Variants in KIAA0825 observed in about 807,000 individuals in gnomAD.
KIAA0825 encodes the protein KIAA0825.
In KIAA0825, 119 loss-of-function variants were observed where a neutral mutation model predicts 147.6. The ratio of observed to expected loss-of-function variants is 0.81; its 90% confidence interval spans 0.69 to 0.94. KIAA0825 has a LOEUF of 0.94. Ranked by LOEUF, KIAA0825 falls within the 40% of genes least tolerant of loss-of-function variation. The probability of loss-of-function intolerance (pLI) is 0.00; values close to 1 mark genes in which losing one functional copy is unlikely to be tolerated. For synonymous variants in KIAA0825, 470 were observed against 518.1 expected (o/e 0.91, Z 1.26); for missense variants, 1,381 against 1,472.7 (o/e 0.94, Z 1.02).
chr5:94,333,931 A>G (rs961024232), intron 20 of KIAA0825, among the ~76,000 whole-genome samples: 1 of 152,208 alleles, frequency 6.6e-6, no homozygotes, highest in African/African-American at 2.4e-5. Flanking sequence ...ACTACAAACC[A>G]CTGCTCAAGG....
intron 3 of KIAA0825, among the ~76,000 whole-genome samples, chr5:94,536,518 G>T (rs1353505529): frequency 6.6e-6 from 1 of 152,092 alleles, no homozygotes; most frequent in African/African-American, 2.4e-5. Flanking sequence ...CCCAGTATTT[G>T]GTAACACGAC....
chr5:94,594,928 T>A (rs1420955158), intron 1 of KIAA0825: 3 of 282,348 alleles, frequency 1.1e-5, no homozygotes, highest in Non-Finnish European at 2.0e-5. Context: ...ACTCCATGTC[T>A]CACATCCAAG....
In KIAA0825 at chr5:94,396,213, G is replaced by A; in HGVS notation, c.3184C>T (p.Gln1062Ter). 6.4e-7 allele frequency: 1 copy of A among 1,551,518 alleles called. No homozygotes were observed. Among genetic ancestry groups the A allele is most frequent in the Non-Finnish European group, 8.7e-7 (1 of 1,146,918 alleles). ...CMCLKSIMGD[Q>*]TSIHNQMIQK... ...ATCATTTGATTATGGATACTTGTCT[G>A]GTCTCCCATGATGCTTTTCAAACAC... is the stretch of plus-strand genomic sequence containing the variant. The change falls in exon 17 of 21, where the codon CAG (glutamine) becomes TAG (stop). Residue 1062 changes from glutamine to a stop codon, truncating the protein, a stop_gained. Transcript: ENST00000682413. LOFTEE classifies it high-confidence loss of function.
At chr5:94,403,471 T>G (rs1751655405) in intron 16 of KIAA0825, 98 bp downstream of exon 16, 4 of 824,208 alleles carry the variant, frequency 4.9e-6, no homozygotes, top group African/African-American at 1.7e-5. Context: ...ATTAATATAG[T>G]TCATCATTCT....
chr5:94,294,778 G>A (rs191584819), intron 20 of KIAA0825, among the ~76,000 whole-genome samples: 225 of 152,248 alleles, frequency 1.5e-3, no homozygotes, highest in South Asian at 5.8e-3. Context: ...TAGGGTTTCC[G>A]CAGAGAGATT....
At chr5:94,455,113 G>T (rs1200904089) in intron 12 of KIAA0825, among the ~76,000 whole-genome samples, 1 of 152,100 alleles carries the variant, frequency 6.6e-6, no homozygotes, top group African/African-American at 2.4e-5. Flanking sequence ...GAGCTGTCTG[G>T]TTTGAAGATA....
intron 4 of KIAA0825, 32 bp downstream of exon 4, chr5:94,523,898 C>T (rs761207008): frequency 2.3e-5 from 33 of 1,430,048 alleles, no homozygotes; most frequent in Non-Finnish European, 3.1e-5. Flanking sequence ...TTTACTCATC[C>T]CACTCCATGA....
chr5:94,547,582 A>C (rs1048622793), intron 2 of KIAA0825, among the ~76,000 whole-genome samples: 12 of 152,024 alleles, frequency 7.9e-5, no homozygotes, highest in Non-Finnish European at 4.4e-5. Flanking sequence ...CTAAAGATAC[A>C]AAAAATTGGC....
chr5:94,583,386 T>G (rs1373698769), intron 1 of KIAA0825, among the ~76,000 whole-genome samples: 3 of 152,234 alleles, frequency 2.0e-5, no homozygotes, highest in Non-Finnish European at 2.9e-5. Flanking sequence ...CCCACACCCA[T>G]GAAGCCTTGC....
chr5:94,543,819 G>A (rs62364622), intron 2 of KIAA0825, among the ~76,000 whole-genome samples: 3,493 of 152,218 alleles, frequency 0.023, 53 homozygotes, highest in Non-Finnish European at 0.036. Flanking sequence ...GAGTGACCCC[G>A]GTCATCCTCA....
chr5:94,262,079 G>A (rs1776523737), intron 20 of KIAA0825, among the ~76,000 whole-genome samples: 1 of 151,948 alleles, frequency 6.6e-6, no homozygotes, highest in African/African-American at 2.4e-5. Flanking sequence ...AATACATATA[G>A]CAAAGAGTTA....
intron 5 of KIAA0825, among the ~76,000 whole-genome samples, chr5:94,504,736 TTTTTC>T (rs1254672654): frequency 6.8e-6 from 1 of 147,038 alleles, no homozygotes; most frequent in Non-Finnish European, 1.5e-5. Context: ...GCCCGTGTGA[TTTTTC>T]TTTTCTTTTT....
At chr5:94,498,345 A>G (rs558361354) in intron 5 of KIAA0825, among the ~76,000 whole-genome samples, 2 of 152,318 alleles carry the variant, frequency 1.3e-5, no homozygotes, top group African/African-American at 4.8e-5. Context: ...AAACTGAGGT[A>G]CCAGGAAGCT....
intron 20 of KIAA0825, among the ~76,000 whole-genome samples, chr5:94,225,742 A>G (rs1774105062): frequency 6.6e-6 from 1 of 152,166 alleles, no homozygotes. Context: ...CCACCCAACT[A>G]TGGTAATTTG....
At chr5:94,236,590 AAG>A (rs1775052775) in intron 20 of KIAA0825, among the ~76,000 whole-genome samples, 1 of 152,246 alleles carries the variant, frequency 6.6e-6, no homozygotes, top group Admixed American at 6.5e-5. Context: ...TCAATTTTGA[AAG>A]AAGTTCTACT....
chr5:94,251,218 G>GA lies in KIAA0825; in HGVS notation c.3711-97095dup, dbSNP rs563805627. On this transcript the variant is annotated intron_variant, in intron 20 of 20. Transcript: ENST00000682413. ...ACACAAAGGAGTTCAGCAAACAGGGGAAAAAACTGCAAGATCATTTTAGAC... is the reference window on the plus strand; with the variant it reads ...ACACAAAGGAGTTCAGCAAACAGGGGAAAAAAACTGCAAGATCATTTTAGAC... Among the ~76,000 whole-genome samples, 531 of 152,106 alleles carry GA rather than the reference G, an allele frequency of 3.5e-3. 2 individuals carry two copies. The highest frequency in any genetic ancestry group is 0.014 in the Middle Eastern group (4 of 294).
At chr5:94,172,545 T>C (rs1768721440) in intron 20 of KIAA0825, among the ~76,000 whole-genome samples, 2 of 152,218 alleles carry the variant, frequency 1.3e-5, no homozygotes. Flanking sequence ...AGTTGGTTAG[T>C]TCTGGCTCAC....
intron 14 of KIAA0825, 102 bp from the exon 15 acceptor site, chr5:94,417,467 G>C: frequency 1.1e-6 from 1 of 882,930 alleles, no homozygotes; most frequent in East Asian, 2.7e-5. Context: ...CTGTGGAAAT[G>C]GTTTTTAATA....
At chr5:94,194,430 T>C (rs1770945890) in intron 20 of KIAA0825, among the ~76,000 whole-genome samples, 1 of 152,170 alleles carries the variant, frequency 6.6e-6, no homozygotes, top group Admixed American at 6.5e-5. Context: ...ATGAGGCCAG[T>C]GACCCCCAAA....
Sources: gnomAD v4.1 joint callset for allele counts (sites outside exome capture counted in the v4.1 genomes callset) on GRCh38, gnomAD v4.1.1 for gene constraint, MANE v1.5 for transcripts, NCBI Gene and HGNC (gene_info 2026-07-23, HGNC 2026-07-21) for gene names.